Variants in AMPH observed in about 807,000 individuals in gnomAD.
AMPH encodes amphiphysin (Stiff-Mann syndrome with breast cancer 128kD autoantigen).
A neutral mutation model predicts 99.1 loss-of-function variants in AMPH; 49 were observed. The ratio of observed to expected loss-of-function variants is 0.49; its 90% CI spans 0.39 to 0.63. AMPH has a LOEUF of 0.63. Among genes scored for constraint, AMPH ranks in the 20% least tolerant of loss-of-function variants. The pLI is 0.00. For missense variants in AMPH, 759 were observed against 863.4 expected (o/e 0.88, Z 1.52); for synonymous variants, 314 against 317.3 (o/e 0.99, Z 0.11).
chr7:38,504,262 T>C (rs144340126), intron 2 of AMPH, among the ~76,000 whole-genome samples: 3,419 of 152,340 alleles, frequency 0.022, 139 homozygotes, highest in African/African-American at 0.077. Flanking sequence ...ACTTTAAGGA[T>C]GTAGCCACTA....
chr7:38,424,575 CAAT>C (rs1317850179), intron 15 of AMPH, among the ~76,000 whole-genome samples: 2 of 149,792 alleles, frequency 1.3e-5, no homozygotes, highest in African/African-American at 4.9e-5. Context: ...AGCAAAGAAA[CAAT>C]AATAGAATAC....
intron 1 of AMPH, among the ~76,000 whole-genome samples, chr7:38,560,921 A>G (rs1010632101): frequency 2.0e-5 from 3 of 152,238 alleles, no homozygotes; most frequent in Non-Finnish European, 4.4e-5. Context: ...GCCATTGGCT[A>G]AATGATATGT....
At chr7:38,587,949 TGC>T (rs780857451) in intron 1 of AMPH, among the ~76,000 whole-genome samples, 46 of 146,198 alleles carry the variant, frequency 3.1e-4, no homozygotes, top group South Asian at 1.1e-3. Context: ...TGTGTGTGTG[TGC>T]GCGTGTGTGT....
chr7:38,522,366 T>C (rs917667356), intron 2 of AMPH, among the ~76,000 whole-genome samples: 1 of 152,210 alleles, frequency 6.6e-6, no homozygotes, highest in African/African-American at 2.4e-5. Flanking sequence ...TCTATTGACA[T>C]TGATTTATTT....
At chr7:38,521,447 G>A (rs1427510293) in intron 2 of AMPH, among the ~76,000 whole-genome samples, 1 of 152,154 alleles carries the variant, frequency 6.6e-6, no homozygotes, top group Non-Finnish European at 1.5e-5. Flanking sequence ...CTTGAACCCG[G>A]CGGGCAGAGG....
chr7:38,474,680 T>C (rs1788017089), intron 7 of AMPH, among the ~76,000 whole-genome samples: 1 of 152,196 alleles, frequency 6.6e-6, no homozygotes, highest in African/African-American at 2.4e-5. Flanking sequence ...ATGAGGATGC[T>C]GACAGAGATT....
At position 38,432,258 on chromosome 7, in the gene AMPH, A is replaced by T. The variant is rs764437061; in HGVS notation, c.1135-46T>A. 35 of 1,565,516 alleles carry T rather than the reference A, an allele frequency of 2.2e-5. No homozygotes were observed. In the South Asian group the frequency reaches 3.7e-4, roughly 17 times the overall value. The stretch of plus-strand genomic sequence containing the variant: ...ATACTGTTAGTTATACAAATCTAAA[A>T]CATAAAAAAATGCTGAGGTGACAAA... On this transcript the variant is annotated intron_variant, in intron 12 of 20. Coordinates refer to ENST00000356264, the MANE Select transcript of AMPH (RefSeq NM_001635.4).
chr7:38,431,548 T>A (rs6462839), intron 13 of AMPH, among the ~76,000 whole-genome samples: 98,535 of 151,506 alleles, frequency 0.65, 32,292 homozygotes, highest in Non-Finnish European at 0.69. Context: ...CCCAGCTACT[T>A]GGGAGGCTGA....
intron 1 of AMPH, among the ~76,000 whole-genome samples, chr7:38,618,347 C>CA (rs746487712): frequency 0.011 from 1,268 of 115,214 alleles, 10 homozygotes; most frequent in African/African-American, 0.034. Flanking sequence ...CCCATCTCTA[C>CA]AAAAAAAAAA....
Position 38,394,156 on chromosome 7 carries a change from C to A in AMPH, c.1457G>T (p.Gly486Val). ...AVGTLVSAAE[G>V]APGEEAEAEK... Reference sequence around the variant, plus strand: ...CGCCTCTGCTTCCTCTCCTGGGGCCCCCTCAGCTGCTGACACCAAGGTTCC... The same window carrying A: ...CGCCTCTGCTTCCTCTCCTGGGGCCACCTCAGCTGCTGACACCAAGGTTCC... The change falls in exon 18 of 21, where the codon GGG (glycine) becomes GTG (valine). Residue 486 changes from glycine to valine, a missense_variant. Physicochemically the swap from Gly to Val is moderately radical, Grantham distance 109. Coordinates refer to ENST00000356264, the MANE Select transcript of AMPH (RefSeq NM_001635.4). The A allele has an allele frequency of 6.2e-7, 1 of 1,614,228 alleles. No homozygotes were observed. The highest frequency in any genetic ancestry group is 8.5e-7 in the Non-Finnish European group (1 of 1,180,036).
chr7:38,405,828 A>G (rs1784970312), intron 17 of AMPH, among the ~76,000 whole-genome samples: 2 of 152,192 alleles, frequency 1.3e-5, no homozygotes, highest in East Asian at 3.8e-4. Context: ...GCAGAAAACT[A>G]ACACAGAAAC....
chr7:38,562,547 T>C (rs1289165571), intron 1 of AMPH, among the ~76,000 whole-genome samples: 1 of 152,026 alleles, frequency 6.6e-6, no homozygotes, highest in African/African-American at 2.4e-5. Flanking sequence ...AGGCAAAAGT[T>C]GAGGAATCCT....
At chr7:38,600,673 C>T (rs146043027) in intron 1 of AMPH, among the ~76,000 whole-genome samples, 40 of 152,228 alleles carry the variant, frequency 2.6e-4, no homozygotes, top group African/African-American at 8.7e-4. Flanking sequence ...AAATGATATG[C>T]TAAATATTAA....
intron 1 of AMPH, among the ~76,000 whole-genome samples, chr7:38,563,638 C>T (rs995403336): frequency 1.3e-5 from 2 of 152,036 alleles, no homozygotes; most frequent in African/African-American, 4.8e-5. Context: ...CTTTAAAATA[C>T]CTTGAGAAGA....
rs74561549 is a variant in AMPH at position 38,389,631 on chromosome 7, A to G, written c.1980+173T>C. Among the ~76,000 whole-genome samples the G allele has an allele frequency of 7.1e-3, 1,088 of 152,314 alleles. 69 individuals carry two copies. In the East Asian group the frequency reaches 0.14, roughly 20 times the overall value. On this transcript the variant is annotated intron_variant, in intron 20 of 20. Transcript: ENST00000356264. The stretch of plus-strand genomic sequence containing the variant: ...AAAAAGAATGCAACAGCATCCCAAA[A>G]GGGTGTCCTAGAAACCTCGTTAATG...
intron 13 of AMPH, among the ~76,000 whole-genome samples, chr7:38,431,061 C>T (rs1488145871): frequency 6.6e-6 from 1 of 152,088 alleles, no homozygotes; most frequent in African/African-American, 2.4e-5. Flanking sequence ...AAACAAAGAC[C>T]CTGCTCCAAG....
chr7:38,555,487 G>A (rs1275872435), intron 1 of AMPH, among the ~76,000 whole-genome samples: 2 of 152,168 alleles, frequency 1.3e-5, no homozygotes, highest in African/African-American at 4.8e-5. Flanking sequence ...GATGGTACCT[G>A]CAAGGGCTGG....
intron 8 of AMPH, 151 bp downstream of exon 8, chr7:38,466,022 G>A (rs1023371493): frequency 5.9e-5 from 37 of 624,720 alleles, no homozygotes; most frequent in East Asian, 3.5e-4. Flanking sequence ...ATGAAAAACC[G>A]TAGAAATGTT....
intron 5 of AMPH, among the ~76,000 whole-genome samples, chr7:38,478,080 AAAC>A (rs1788152246): frequency 6.6e-6 from 1 of 151,484 alleles, no homozygotes; most frequent in East Asian, 1.9e-4. Context: ...ACAAACAAAC[AAAC>A]AAACAAAACA....
Sources: allele counts gnomAD v4.1 joint callset (sites outside exome capture counted in the v4.1 genomes callset), GRCh38; gene constraint gnomAD v4.1.1; transcripts MANE v1.5; gene names NCBI Gene and HGNC (gene_info 2026-07-23, HGNC 2026-07-21).